PRMT9: variants seen among roughly 807,000 people sequenced by gnomAD.
PRMT9 encodes protein arginine methyltransferase 9.
PRMT9 carries 59 observed loss-of-function variants against 83.2 expected under a neutral mutation model. The ratio of observed to expected loss-of-function variants is 0.71; its 90% CI spans 0.57 to 0.88. PRMT9 has a LOEUF of 0.88. Ranked by LOEUF, PRMT9 falls within the 40% of genes least tolerant of loss-of-function variation. PRMT9 has a pLI of 0.00. For synonymous variants in PRMT9, 333 were observed against 353.2 expected, an observed-to-expected ratio of 0.94 and a Z score of 0.64; for missense variants, 947 against 1,021.9, an observed-to-expected ratio of 0.93 and a Z score of 1.00.
At chr4:147,680,763 GCTC>G (rs764941290) in intron 1 of PRMT9, among the ~76,000 whole-genome samples, 2 of 152,158 alleles carry the variant, frequency 1.3e-5, no homozygotes, top group Non-Finnish European at 2.9e-5. Flanking sequence ...ACTTTTGTCG[GCTC>G]CTGTGTTTTT....
chr4:147,681,605 G>A (rs188059314), intron 1 of PRMT9, among the ~76,000 whole-genome samples: 6 of 152,078 alleles, frequency 3.9e-5, no homozygotes, highest in African/African-American at 1.2e-4. Flanking sequence ...TGGCCAACAC[G>A]GTGAAACCCC....
intron 10 of PRMT9, 99 bp from the exon 11 acceptor site, chr4:147,639,181 T>C (rs1733216551): frequency 1.6e-6 from 2 of 1,250,908 alleles, no homozygotes; most frequent in South Asian, 1.2e-5. Context: ...AGGGATTGCT[T>C]TGTACTTGAC....
At chr4:147,675,971 T>C (rs1377778448) in intron 2 of PRMT9, among the ~76,000 whole-genome samples, 2 of 152,108 alleles carry the variant, frequency 1.3e-5, no homozygotes, top group Non-Finnish European at 2.9e-5. Flanking sequence ...TGGTGGGGAG[T>C]AAATGATACG....
chr4:147,666,560 C>A (rs1283019104), intron 6 of PRMT9, among the ~76,000 whole-genome samples: 2 of 152,124 alleles, frequency 1.3e-5, no homozygotes, highest in African/African-American at 4.8e-5. Context: ...TTGTGTTCCA[C>A]TGATGTATTT....
intron 10 of PRMT9, among the ~76,000 whole-genome samples, chr4:147,639,609 C>T (rs1733244736): frequency 6.6e-6 from 1 of 152,150 alleles, no homozygotes; most frequent in Non-Finnish European, 1.5e-5. Context: ...GTTCAGGCCA[C>T]ACCCCAAACC....
Position 147,660,848 on chromosome 4 carries a change from G to C in PRMT9, c.1144C>G (p.Gln382Glu), listed in dbSNP as rs543162347. ...EIMTVDFNNL[Q>E]ELKSLATKKP... The stretch of plus-strand genomic sequence containing the variant: ...AATAGTAACTGAATTTTTTTCACCT[G>C]AAGGTTGTTGAAATCTACTGTCATA... Residue 382 changes from glutamine to glutamate, a missense_variant and splice_region_variant, in exon 7 of 12, where the codon CAG becomes GAG. Gln to Glu is a conservative substitution (Grantham distance 29, BLOSUM62 2). Transcript: ENST00000322396. The C allele has an allele frequency of 1.9e-6, 3 of 1,608,170 alleles. No homozygotes were observed. Among genetic ancestry groups the C allele is most frequent in the Non-Finnish European group, 2.6e-6 (3 of 1,175,040 alleles).
chr4:147,651,185 A>C lies in PRMT9; in HGVS notation c.2045+2667T>G, dbSNP rs186639301. On this transcript the variant is annotated intron_variant, in intron 9 of 11. Transcript: ENST00000322396. ...ATATCCGAAATATGTTTTCCAAAAT[A>C]TACAAAAACATGTATATTTTTATAT... Among the ~76,000 whole-genome samples the C allele has an allele frequency of 1.7e-3, 257 of 152,302 alleles. 4 individuals carry two copies. Among genetic ancestry groups the C allele is most frequent in the Admixed American group, 0.016 (241 of 15,294 alleles).
Position 147,684,103 on chromosome 4 carries a change from T to A in PRMT9, c.-116A>T. 1 of 1,206,490 alleles carries A rather than the reference T, an allele frequency of 8.3e-7. No homozygotes were observed. The highest frequency in any genetic ancestry group is 2.5e-5 in the East Asian group (1 of 39,316). 74.7% of individuals were successfully genotyped at this position (1,206,490 alleles called of 1,614,324 possible). On this transcript the variant is annotated 5_prime_UTR_variant, in exon 1 of 12. Transcript: ENST00000322396. Reference sequence around the variant, plus strand: ...CTGCTCAAAAAACAGCACAGCAAAGTTACCCTCCGCCGCGGGTGAACTCGC... The same window carrying A: ...CTGCTCAAAAAACAGCACAGCAAAGATACCCTCCGCCGCGGGTGAACTCGC...
Position 147,660,849 on chromosome 4 carries a change from A to G in PRMT9, c.1143T>C (p.Leu381=), listed in dbSNP as rs1297824412. 1.2e-5 allele frequency: 20 copies of G among 1,608,980 alleles called. No homozygotes were observed. The highest frequency in any genetic ancestry group is 1.6e-5 in the Non-Finnish European group (19 of 1,175,648). ...FEIMTVDFNN[L]QELKSLATKK... ...ATAGTAACTGAATTTTTTTCACCTG[A>G]AGGTTGTTGAAATCTACTGTCATAA... The change falls in exon 7 of 12, where the codon CTT becomes CTC. Residue 381 remains leucine, a synonymous_variant. Coordinates refer to ENST00000322396, the MANE Select transcript of PRMT9 (RefSeq NM_138364.4).
At chr4:147,661,789 CAAAAAAAAAAAAA>C (rs70958573) in intron 6 of PRMT9, among the ~76,000 whole-genome samples, 2 of 60,226 alleles carry the variant, frequency 3.3e-5, no homozygotes, top group Non-Finnish European at 5.5e-5. Context: ...GACTCCATCT[CAAAAAAAAAAAAA>C]AAAAAAAAAA....
intron 9 of PRMT9, among the ~76,000 whole-genome samples, chr4:147,649,235 T>C (rs1733937896): frequency 1.3e-5 from 2 of 151,060 alleles, no homozygotes; most frequent in South Asian, 2.1e-4. Context: ...GAAAGAGGGC[T>C]GACCTCATCC....
chr4:147,641,899 C>T (rs1476259706), intron 10 of PRMT9, among the ~76,000 whole-genome samples: 2 of 152,116 alleles, frequency 1.3e-5, no homozygotes, highest in Non-Finnish European at 2.9e-5. Context: ...TGAGCTCGAG[C>T]AATCCGCCCC....
rs1735833397 is a variant in PRMT9, at chr4:147,673,021, T to C, written c.681A>G (p.Ala227=). ...ACTTCGTATGTAAGAGTTTGATCCC[T>C]GCTTCCATCTTGTTTGCTGCCACGA... is the stretch of plus-strand genomic sequence containing the variant. ...CDVVAANKME[A]GIKLLHTKSL... Residue 227 remains alanine, a synonymous_variant, in exon 4 of 12, where the codon GCA becomes GCG. Transcript: ENST00000322396. 6.2e-7 allele frequency: 1 copy of C among 1,613,884 alleles called. No homozygotes were observed.
chr4:147,682,916 C>A (rs888322887), intron 1 of PRMT9, among the ~76,000 whole-genome samples: 1 of 152,168 alleles, frequency 6.6e-6, no homozygotes, highest in African/African-American at 2.4e-5. Context: ...CTCCCCTCCC[C>A]CATAACAAAG....
intron 11 of PRMT9, 49 bp from the exon 12 acceptor site, chr4:147,638,796 TTAGA>T: frequency 1.4e-6 from 2 of 1,446,498 alleles, no homozygotes; most frequent in Non-Finnish European, 1.9e-6. Flanking sequence ...TAGAGTAGAC[TTAGA>T]TAAGTCTCTT....
chr4:147,673,689 C>T lies in PRMT9; in HGVS notation c.524G>A (p.Cys175Tyr). The T allele has an allele frequency of 6.2e-7, 1 of 1,614,086 alleles. No individual in the cohort carries two copies. Among genetic ancestry groups the T allele is most frequent in the East Asian group, 2.2e-5 (1 of 44,880 alleles). ...GTCCAAAACACTTTTGGACCCCAAACAAACTGCCTTTTGGATTGCTGCATT... is the reference window on the plus strand; with the variant it reads ...GTCCAAAACACTTTTGGACCCCAAATAAACTGCCTTTTGGATTGCTGCATT... Reference protein sequence around the residue: ...IYNAAIQKAVCLGSKSVLDIG... With the variant: ...IYNAAIQKAVYLGSKSVLDIG... The change falls in exon 3 of 12, where the codon TGT becomes TAT. Residue 175 changes from cysteine to tyrosine, a missense_variant. Cys to Tyr is a radical substitution (Grantham distance 194). Transcript: ENST00000322396.
chr4:147,643,580 C>A (rs1733549732), intron 9 of PRMT9, among the ~76,000 whole-genome samples: 1 of 152,142 alleles, frequency 6.6e-6, no homozygotes, highest in Non-Finnish European at 1.5e-5. Context: ...AGGAAAATAT[C>A]CTTTTACAGT....
chr4:147,639,190 A>T, intron 10 of PRMT9, 108 bp from the exon 11 acceptor site: 1 of 1,063,206 alleles, frequency 9.4e-7, no homozygotes. Context: ...TTTGTACTTG[A>T]CTCAATAGTA....
At chr4:147,650,763 G>C (rs1734038711) in intron 9 of PRMT9, among the ~76,000 whole-genome samples, 1 of 152,184 alleles carries the variant, frequency 6.6e-6, no homozygotes, top group Non-Finnish European at 1.5e-5. Flanking sequence ...CAAGACTGTG[G>C]TATGGTACTG....
Sources: allele counts gnomAD v4.1 joint callset (sites outside exome capture counted in the v4.1 genomes callset), GRCh38; gene constraint gnomAD v4.1.1; transcripts MANE v1.5; gene names NCBI Gene and HGNC (gene_info 2026-07-23, HGNC 2026-07-21).